The following RPS6KC1 variants were observed in gnomAD, a reference collection of about 807,000 sequenced individuals.
The protein encoded by RPS6KC1 is inactive ribosomal protein S6 kinase delta-1.
A neutral mutation model predicts 103.8 loss-of-function variants in RPS6KC1; 54 were observed. The ratio of observed to expected loss-of-function variants is 0.52; its 90% CI spans 0.42 to 0.65. The LOEUF (loss-of-function observed/expected upper bound fraction) is 0.65, where lower values mean the gene tolerates loss of function less well. RPS6KC1 is among the 30% of genes least tolerant of loss of function. The pLI is 0.00. For missense variants in RPS6KC1, 1,151 were observed against 1,253.8 expected (o/e 0.92, Z 1.24); for synonymous variants, 439 against 438.7 (o/e 1.00, Z -0.01).
chr1:213,564,243 AT>A, the RPS6KC1 span, among the ~76,000 whole-genome samples: 417 of 152,086 alleles, frequency 2.7e-3, 1 homozygote, highest in Non-Finnish European at 4.4e-3. Context: ...ACACAGGCAT[AT>A]TTTTTCTCAG....
At chr1:213,631,995 G>T in the RPS6KC1 span, among the ~76,000 whole-genome samples, 36 of 152,070 alleles carry the variant, frequency 2.4e-4, 1 homozygote, top group South Asian at 7.3e-3. Context: ...TCACATAAAT[G>T]GAATCATACA....
chr1:213,399,007 G>C, the RPS6KC1 span, among the ~76,000 whole-genome samples: 1 of 152,162 alleles, frequency 6.6e-6, no homozygotes, highest in African/African-American at 2.4e-5. Context: ...ACAAGTGCCT[G>C]TCCTCAAGGA....
chr1:213,630,213 G>A, the RPS6KC1 span, among the ~76,000 whole-genome samples: 2 of 152,162 alleles, frequency 1.3e-5, no homozygotes, highest in East Asian at 1.9e-4. Context: ...GTCACTTTCA[G>A]GTACACCAAT....
At chr1:213,548,540 A>T in the RPS6KC1 span, among the ~76,000 whole-genome samples, 1 of 152,194 alleles carries the variant, frequency 6.6e-6, no homozygotes, top group Non-Finnish European at 1.5e-5. Flanking sequence ...GCACACCTGT[A>T]GTCCCAGATA....
chr1:213,365,879 A>G, the RPS6KC1 span, among the ~76,000 whole-genome samples: 74 of 152,374 alleles, frequency 4.9e-4, no homozygotes, highest in African/African-American at 1.7e-3. Context: ...GCAATAGACA[A>G]TATGTAATGA....
chr1:213,188,951 CTGTT>C (rs1335176100), intron 8 of RPS6KC1, among the ~76,000 whole-genome samples: 2 of 152,004 alleles, frequency 1.3e-5, no homozygotes, highest in African/African-American at 2.4e-5. Context: ...GAGAGTCACT[CTGTT>C]TGATTTCATG....
At chr1:213,774,326 A>G in the RPS6KC1 span, among the ~76,000 whole-genome samples, 217 of 152,342 alleles carry the variant, frequency 1.4e-3, 2 homozygotes, top group African/African-American at 4.8e-3. Context: ...CGGGATTGCA[A>G]TCTGGGTATG....
chr1:213,393,061 A>G, the RPS6KC1 span, among the ~76,000 whole-genome samples: 1 of 152,330 alleles, frequency 6.6e-6, no homozygotes, highest in East Asian at 1.9e-4. Context: ...AGACTTGACA[A>G]TAGATGTGGA....
At chr1:213,850,529 T>G in the RPS6KC1 span, among the ~76,000 whole-genome samples, 16,215 of 152,232 alleles carry the variant, frequency 0.11, 934 homozygotes, top group Admixed American at 0.13. Flanking sequence ...ATCTACAGTC[T>G]GACATTGCTC....
At chr1:213,818,551 A>C in the RPS6KC1 span, 1 of 152,200 alleles carries the variant, frequency 6.6e-6, no homozygotes, top group Non-Finnish European at 1.5e-5. Context: ...GGTGGTCTGG[A>C]ACCAAACCCG....
the RPS6KC1 span, among the ~76,000 whole-genome samples, chr1:213,636,629 G>A: frequency 6.6e-6 from 1 of 152,142 alleles, no homozygotes; most frequent in Non-Finnish European, 1.5e-5. Flanking sequence ...ATGGATTAAA[G>A]ACTTAAATGT....
At chr1:213,606,679 T>C in the RPS6KC1 span, among the ~76,000 whole-genome samples, 4 of 152,202 alleles carry the variant, frequency 2.6e-5, no homozygotes, top group African/African-American at 9.6e-5. Context: ...GCTACAGCTC[T>C]GAGGTCAAAA....
At chr1:213,638,695 A>G in the RPS6KC1 span, among the ~76,000 whole-genome samples, 1 of 152,002 alleles carries the variant, frequency 6.6e-6, no homozygotes, top group African/African-American at 2.4e-5. Flanking sequence ...TTTGGTCTTT[A>G]TTATGTTCCA....
chr1:213,297,606 A>G, the RPS6KC1 span, among the ~76,000 whole-genome samples: 4 of 152,150 alleles, frequency 2.6e-5, no homozygotes, highest in African/African-American at 9.7e-5. Context: ...AGAAATAACT[A>G]TATGTGGTTT....
chr1:213,123,098 A>G (rs1477952415), intron 5 of RPS6KC1, among the ~76,000 whole-genome samples: 1 of 152,146 alleles, frequency 6.6e-6, no homozygotes, highest in African/African-American at 2.4e-5. Context: ...AATTTCAGAG[A>G]AGTTTAGCCA....
rs199781728 is a variant in RPS6KC1, at chr1:213,106,249, G to GA, written c.378+1689dup. On this transcript the variant is annotated intron_variant, in intron 4 of 14. Coordinates refer to ENST00000366960, the MANE Select transcript of RPS6KC1 (RefSeq NM_012424.6). ...TATTTAAATAGAGATAATCAAGCAA[G>GA]AAAAAAAAACTCATTCCATTAGCTT... Among the ~76,000 whole-genome samples, 374 of 149,202 alleles carry GA rather than the reference G, an allele frequency of 2.5e-3. 1 individual carries two copies. The highest frequency in any genetic ancestry group is 5.5e-3 in the South Asian group (26 of 4,712).
chr1:213,135,081 A>G (rs1021288453), intron 6 of RPS6KC1, among the ~76,000 whole-genome samples: 1 of 152,164 alleles, frequency 6.6e-6, no homozygotes, highest in Non-Finnish European at 1.5e-5. Flanking sequence ...GCCCTTTATC[A>G]TGTTGAAGAA....
chr1:213,389,315 G>A, the RPS6KC1 span, among the ~76,000 whole-genome samples: 2 of 152,024 alleles, frequency 1.3e-5, no homozygotes, highest in African/African-American at 4.8e-5. Flanking sequence ...ATTTTACTTG[G>A]AAAAAAAGGT....
chr1:213,788,181 T>C, the RPS6KC1 span, among the ~76,000 whole-genome samples: 286 of 152,288 alleles, frequency 1.9e-3, 2 homozygotes, highest in African/African-American at 6.6e-3. Context: ...TGGCCCAGGA[T>C]GCTGAAATGA....
Sources: allele counts gnomAD v4.1 joint callset (sites outside exome capture counted in the v4.1 genomes callset), GRCh38; gene constraint gnomAD v4.1.1; transcripts MANE v1.5; gene names NCBI Gene and HGNC (gene_info 2026-07-23, HGNC 2026-07-21).